The following ANKFN1 variants were observed in gnomAD, a reference collection of about 807,000 sequenced individuals.
ANKFN1 encodes ankyrin repeat and fibronectin type III domain containing 1.
In ANKFN1, 74 loss-of-function variants were observed where a neutral mutation model predicts 108.7. The observed-to-expected ratio is 0.68, with a 90% CI of 0.56 to 0.83. The LOEUF (loss-of-function observed/expected upper bound fraction) is 0.83. Ranked by LOEUF, ANKFN1 falls within the 40% of genes least tolerant of loss-of-function variation. The pLI is 0.00. For synonymous variants in ANKFN1, 547 were observed against 516.2 expected, an observed-to-expected ratio of 1.06 and a Z score of -0.81; for missense variants, 1,505 against 1,382.3, an observed-to-expected ratio of 1.09 and a Z score of -1.41.
At chr17:56,451,173 A>G (rs78832710) in intron 11 of ANKFN1, among the ~76,000 whole-genome samples, 2,720 of 152,328 alleles carry the variant, frequency 0.018, 53 homozygotes, top group East Asian at 0.092. Context: ...ATCTTCTCTT[A>G]GAAATTTAAA....
intron 18 of ANKFN1, among the ~76,000 whole-genome samples, chr17:56,485,660 T>C (rs1359940805): frequency 6.6e-6 from 1 of 152,222 alleles, no homozygotes; most frequent in Non-Finnish European, 1.5e-5. Flanking sequence ...AAAAATAATT[T>C]TTTTAAAGCT....
intron 4 of ANKFN1, among the ~76,000 whole-genome samples, chr17:56,086,078 A>G (rs1341177408): frequency 6.6e-6 from 1 of 151,150 alleles, no homozygotes; most frequent in Non-Finnish European, 1.5e-5. Context: ...TAATAAATAA[A>G]ATATAGAATT....
chr17:56,126,427 G>A (rs563284020), intron 4 of ANKFN1, among the ~76,000 whole-genome samples: 5 of 152,084 alleles, frequency 3.3e-5, no homozygotes, highest in Admixed American at 6.5e-5. Flanking sequence ...AAAAATAGAG[G>A]GGGGAGGGGA....
At chr17:56,046,873 G>T (rs1006503967) in intron 4 of ANKFN1, among the ~76,000 whole-genome samples, 1 of 152,188 alleles carries the variant, frequency 6.6e-6, no homozygotes, top group Non-Finnish European at 1.5e-5. Context: ...GTCTGGGCAC[G>T]GAAAAGCATG....
chr17:56,479,239 C>T (rs1030310869), intron 16 of ANKFN1, among the ~76,000 whole-genome samples: 4 of 152,138 alleles, frequency 2.6e-5, no homozygotes, highest in African/African-American at 9.7e-5. Context: ...GTTCCATCTC[C>T]TTCATCCTTC....
chr17:56,263,624 T>C (rs1328019998), intron 3 of ANKFN1, among the ~76,000 whole-genome samples: 4 of 152,240 alleles, frequency 2.6e-5, no homozygotes, highest in Non-Finnish European at 4.4e-5. Flanking sequence ...GTAGCTCTCC[T>C]GTGGGTCTGA....
At chr17:56,473,624 G>A (rs1351740430) in intron 15 of ANKFN1, 1 of 145,068 alleles carries the variant, frequency 6.9e-6, no homozygotes, top group East Asian at 2.0e-4. Context: ...CTCCAGCCTA[G>A]GCGACAAAGT....
intron 4 of ANKFN1, among the ~76,000 whole-genome samples, chr17:56,102,127 C>A (rs1905659545): frequency 2.0e-5 from 3 of 152,148 alleles, no homozygotes; most frequent in Admixed American, 2.0e-4. Context: ...AAGCCACATC[C>A]TATGTGTGTA....
chr17:56,144,206 C>A (rs1283083920), intron 4 of ANKFN1, among the ~76,000 whole-genome samples: 1 of 128,146 alleles, frequency 7.8e-6, no homozygotes, highest in Non-Finnish European at 1.6e-5. Flanking sequence ...CAAATGAATG[C>A]AGAGGCAAAA....
At position 56,413,656 on chromosome 17, in the gene ANKFN1, C is replaced by G. The variant is rs151241672; in HGVS notation, c.911-26671C>G. Among the ~76,000 whole-genome samples the G allele has an allele frequency of 2.1e-3, 326 of 152,204 alleles. 1 individual carries two copies. The highest frequency in any genetic ancestry group is 7.4e-3 in the African/African-American group (308 of 41,530). ...AAGGAATGCTGAATTTTATTGAAAG[C>G]CTTTTCTGCATCTATTGAGGTAATC... On this transcript the variant is annotated intron_variant, in intron 8 of 20. Transcript: ENST00000682825.
chr17:56,243,255 C>G (rs906324640), intron 3 of ANKFN1, among the ~76,000 whole-genome samples: 7 of 152,086 alleles, frequency 4.6e-5, no homozygotes, highest in African/African-American at 1.7e-4. Flanking sequence ...ATCTCACTCT[C>G]CTTAGCCCTC....
intron 2 of ANKFN1, among the ~76,000 whole-genome samples, chr17:56,223,859 T>C (rs1201037804): frequency 6.6e-6 from 1 of 152,194 alleles, no homozygotes; most frequent in African/African-American, 2.4e-5. Flanking sequence ...AGCACTAGGA[T>C]TGGGCACGTT....
chr17:56,502,183 T>C (rs1055544433), intron 20 of ANKFN1, among the ~76,000 whole-genome samples: 1 of 152,190 alleles, frequency 6.6e-6, no homozygotes, highest in African/African-American at 2.4e-5. Flanking sequence ...TCGCAGCCCC[T>C]GTCTGCCCTC....
chr17:56,171,000 G>C (rs62072995), intron 1 of ANKFN1, among the ~76,000 whole-genome samples: 1 of 151,302 alleles, frequency 6.6e-6, no homozygotes, highest in Non-Finnish European at 1.5e-5. Flanking sequence ...AGGAAATGGA[G>C]AGCAGGCATG....
At chr17:56,298,019 G>A (rs574179870) in intron 3 of ANKFN1, among the ~76,000 whole-genome samples, 47 of 152,246 alleles carry the variant, frequency 3.1e-4, no homozygotes, top group African/African-American at 1.1e-3. Flanking sequence ...CTCAGAGTGC[G>A]GTCCATGGAC....
intron 1 of ANKFN1, among the ~76,000 whole-genome samples, chr17:56,190,589 A>G (rs1442673363): frequency 6.2e-5 from 7 of 112,148 alleles, no homozygotes; most frequent in Admixed American, 9.9e-5. Flanking sequence ...AGTTTGTTAT[A>G]ATTTCTGTTC....
intron 15 of ANKFN1, 47 bp downstream of exon 15, chr17:56,466,618 C>A: frequency 2.0e-6 from 3 of 1,497,222 alleles, no homozygotes; most frequent in Non-Finnish European, 1.8e-6. Flanking sequence ...AGGTTCCAAA[C>A]CCAATTATTG....
chr17:56,212,925 G>A (rs982720540), intron 2 of ANKFN1, among the ~76,000 whole-genome samples: 10 of 152,202 alleles, frequency 6.6e-5, no homozygotes, highest in Admixed American at 6.5e-4. Flanking sequence ...AAGCAAGCCA[G>A]AAACTAAGAC....
chr17:56,501,886 T>C (rs1391122216), intron 20 of ANKFN1, among the ~76,000 whole-genome samples: 2 of 152,168 alleles, frequency 1.3e-5, no homozygotes, highest in Non-Finnish European at 2.9e-5. Context: ...GTTGTTTTGC[T>C]TTTCTCAACA....
Sources: gnomAD v4.1 joint callset for allele counts (sites outside exome capture counted in the v4.1 genomes callset) on GRCh38, gnomAD v4.1.1 for gene constraint, MANE v1.5 for transcripts, NCBI Gene and HGNC (gene_info 2026-07-23, HGNC 2026-07-21) for gene names.